TENM3: variants seen among roughly 807,000 people sequenced by gnomAD.
TENM3 encodes the protein teneurin transmembrane protein 3, also known as teneurin-3.
A neutral mutation model predicts 255.1 loss-of-function variants in TENM3; 63 were observed. The ratio of observed to expected loss-of-function variants is 0.25; its 90% CI spans 0.20 to 0.30. TENM3 has a LOEUF of 0.30. Ranked by LOEUF, TENM3 falls within the 10% of genes least tolerant of loss-of-function variation. The probability of loss-of-function intolerance (pLI) is 1.00; values close to 1 mark genes in which losing one functional copy is unlikely to be tolerated. For missense variants in TENM3, 2,929 were observed against 3,461.1 expected, an observed-to-expected ratio of 0.85 and a Z score of 3.86; for synonymous variants, 1,306 against 1,322.3, an observed-to-expected ratio of 0.99 and a Z score of 0.27.
chr4:182,006,134 G>A, the TENM3 span, among the ~76,000 whole-genome samples: 6 of 152,102 alleles, frequency 3.9e-5, no homozygotes, highest in Non-Finnish European at 7.4e-5. Flanking sequence ...GGGCATCCTT[G>A]TCTTGTACCG....
chr4:182,585,634 A>T (rs1278142535), intron 3 of TENM3, among the ~76,000 whole-genome samples: 1 of 152,176 alleles, frequency 6.6e-6, no homozygotes, highest in African/African-American at 2.4e-5. Context: ...GGTCTCTAGA[A>T]CTGTGAGAAA....
chr4:182,071,565 C>A, the TENM3 span, among the ~76,000 whole-genome samples: 2 of 151,938 alleles, frequency 1.3e-5, no homozygotes, highest in East Asian at 1.9e-4. Flanking sequence ...CCTGCCTCAG[C>A]CTCCCAAGCA....
chr4:182,435,256 TC>T (rs1180726011), intron 3 of TENM3, among the ~76,000 whole-genome samples: 4 of 152,192 alleles, frequency 2.6e-5, no homozygotes, highest in Admixed American at 2.6e-4. Flanking sequence ...AGAGCTATTT[TC>T]CTTCAACTGT....
At chr4:181,966,196 G>A in the TENM3 span, among the ~76,000 whole-genome samples, 4 of 152,112 alleles carry the variant, frequency 2.6e-5, no homozygotes, top group Admixed American at 2.0e-4. Flanking sequence ...ATCTCAGAAG[G>A]GGTGTGACTG....
At chr4:182,132,871 C>T in the TENM3 span, among the ~76,000 whole-genome samples, 1 of 152,124 alleles carries the variant, frequency 6.6e-6, no homozygotes, top group Non-Finnish European at 1.5e-5. Flanking sequence ...CTTCTACTTA[C>T]ATTGGGCAAA....
chr4:181,470,336 A>T, the TENM3 span, among the ~76,000 whole-genome samples: 1 of 151,548 alleles, frequency 6.6e-6, no homozygotes, highest in Admixed American at 6.6e-5. Context: ...CCTCTGTTTA[A>T]CTCTTCCAGT....
the TENM3 span, among the ~76,000 whole-genome samples, chr4:182,068,720 A>G: frequency 6.6e-6 from 1 of 152,156 alleles, no homozygotes; most frequent in East Asian, 1.9e-4. Flanking sequence ...ACACATGTAC[A>G]TAAGAATGTT....
chr4:181,550,556 A>G, the TENM3 span, among the ~76,000 whole-genome samples: 19,558 of 152,170 alleles, frequency 0.13, 1,404 homozygotes, highest in Middle Eastern at 0.24. Context: ...GCATGCTGAC[A>G]CTGATGCACT....
the TENM3 span, among the ~76,000 whole-genome samples, chr4:181,790,971 C>T: frequency 6.6e-6 from 1 of 152,178 alleles, no homozygotes; most frequent in African/African-American, 2.4e-5. Context: ...AACTGAGAGT[C>T]TAGTTGTGGG....
the TENM3 span, among the ~76,000 whole-genome samples, chr4:181,956,499 TAGCTAG>T: frequency 0.021 from 3,173 of 152,300 alleles, 102 homozygotes; most frequent in African/African-American, 0.073. Flanking sequence ...ATATTCCAAG[TAGCTAG>T]AAGAGTATGC....
the TENM3 span, among the ~76,000 whole-genome samples, chr4:181,942,323 T>C: frequency 6.6e-6 from 1 of 151,424 alleles, no homozygotes; most frequent in Non-Finnish European, 1.5e-5. Flanking sequence ...AATTATCAGT[T>C]TGGAGTTAGA....
the TENM3 span, chr4:182,081,918 C>T: frequency 6.6e-6 from 1 of 152,070 alleles, no homozygotes; most frequent in African/African-American, 2.4e-5. Context: ...GACCAGATAA[C>T]TTCAAGGATG....
intron 1 of TENM3, among the ~76,000 whole-genome samples, chr4:182,208,283 G>A (rs995263628): frequency 5.9e-5 from 9 of 152,108 alleles, no homozygotes; most frequent in East Asian, 1.9e-4. Flanking sequence ...ACCTTAACAC[G>A]TCAGTTTCTA....
the TENM3 span, among the ~76,000 whole-genome samples, chr4:181,958,061 G>A: frequency 1.3e-5 from 2 of 152,142 alleles, no homozygotes; most frequent in African/African-American, 4.8e-5. Context: ...TCACAAGTAA[G>A]CTTCTTTGAA....
intron 24 of TENM3, among the ~76,000 whole-genome samples, chr4:182,778,314 G>GT (rs1391743403): frequency 6.6e-6 from 1 of 152,134 alleles, no homozygotes; most frequent in Non-Finnish European, 1.5e-5. Flanking sequence ...AAAGCCAAAC[G>GT]TGTGTTTAAA....
Position 182,364,189 on chromosome 4 carries a change from C to G in TENM3, c.511+17260C>G, listed in dbSNP as rs192673902. On this transcript the variant is annotated intron_variant, in intron 3 of 27. Coordinates refer to ENST00000511685, the MANE Select transcript of TENM3 (RefSeq NM_001080477.4). ...ACGACAGATGTGATAAAAGTGGAAC[C>G]TGAGATCAAATGAACTTAAGAATAA... Among the ~76,000 whole-genome samples the G allele has an allele frequency of 6.6e-5, 10 of 151,928 alleles. No homozygotes were observed. The East Asian group carries it at 1.6e-3, about 24-fold the overall frequency.
intron 3 of TENM3, among the ~76,000 whole-genome samples, chr4:182,513,733 C>T (rs1051145422): frequency 1.3e-5 from 2 of 152,164 alleles, no homozygotes; most frequent in African/African-American, 4.8e-5. Context: ...GACTGCCCCT[C>T]CTAGTGTTTG....
chr4:181,601,965 T>C, the TENM3 span, among the ~76,000 whole-genome samples: 18 of 149,608 alleles, frequency 1.2e-4, no homozygotes, highest in African/African-American at 4.4e-4. Flanking sequence ...TCTTCTAAGA[T>C]GCTTGTCTTT....
intron 1 of TENM3, among the ~76,000 whole-genome samples, chr4:182,258,222 T>C (rs1324600687): frequency 6.6e-6 from 1 of 152,174 alleles, no homozygotes; most frequent in Non-Finnish European, 1.5e-5. Context: ...ATATCTATTT[T>C]TCTCAATTCT....
Sources: allele counts gnomAD v4.1 joint callset (sites outside exome capture counted in the v4.1 genomes callset), GRCh38; gene constraint gnomAD v4.1.1; transcripts MANE v1.5; gene names NCBI Gene and HGNC (gene_info 2026-07-23, HGNC 2026-07-21).